Variants in GALNTL6 observed in about 807,000 individuals in gnomAD.
The protein encoded by GALNTL6 is polypeptide N-acetylgalactosaminyltransferase like 6, also known as polypeptide N-acetylgalactosaminyltransferase-like 6.
GALNTL6 carries 46 observed loss-of-function variants against 73.7 expected under a neutral mutation model. The observed-to-expected ratio is 0.62, with a 90% CI of 0.49 to 0.80. The LOEUF (loss-of-function observed/expected upper bound fraction) is 0.80. Among genes scored for constraint, GALNTL6 ranks in the 30% least tolerant of loss-of-function variants. The pLI is 0.00. For synonymous variants in GALNTL6, 259 were observed against 263.7 expected (o/e 0.98, Z 0.17); for missense variants, 604 against 755.0 (o/e 0.80, Z 2.34).
intron 2 of GALNTL6, among the ~76,000 whole-genome samples, chr4:171,953,913 C>A (rs1256697623): frequency 6.6e-6 from 1 of 152,016 alleles, no homozygotes; most frequent in African/African-American, 2.4e-5. Context: ...TTTTAAAAGT[C>A]ATTACAATGG....
chr4:172,613,355 G>A (rs1197409061), intron 5 of GALNTL6, among the ~76,000 whole-genome samples: 2 of 151,992 alleles, frequency 1.3e-5, no homozygotes, highest in East Asian at 3.9e-4. Flanking sequence ...AAGGACCTAG[G>A]CCTGTGAAGA....
At chr4:171,862,537 A>G (rs1336746636) in intron 2 of GALNTL6, among the ~76,000 whole-genome samples, 2 of 152,146 alleles carry the variant, frequency 1.3e-5, no homozygotes, top group Non-Finnish European at 2.9e-5. Context: ...TTAGAAAGTA[A>G]GCAAGCAAAT....
chr4:172,868,296 C>T (rs1397974109), intron 7 of GALNTL6, among the ~76,000 whole-genome samples: 1 of 152,178 alleles, frequency 6.6e-6, no homozygotes, highest in Non-Finnish European at 1.5e-5. Flanking sequence ...GAGACCCTGC[C>T]TCCACATAAA....
intron 5 of GALNTL6, among the ~76,000 whole-genome samples, chr4:172,624,267 T>C (rs1739071226): frequency 6.6e-6 from 1 of 152,036 alleles, no homozygotes; most frequent in South Asian, 2.1e-4. Flanking sequence ...GTTGTTTTTG[T>C]TTTTTGTTTG....
intron 2 of GALNTL6, among the ~76,000 whole-genome samples, chr4:172,131,373 A>G (rs1334940244): frequency 2.7e-5 from 4 of 148,206 alleles, no homozygotes; most frequent in African/African-American, 9.9e-5. Flanking sequence ...TGTTTAAAAC[A>G]CTTTCATCTT....
At chr4:172,595,180 A>G (rs372029703) in intron 5 of GALNTL6, among the ~76,000 whole-genome samples, 24 of 152,318 alleles carry the variant, frequency 1.6e-4, no homozygotes, top group African/African-American at 5.8e-4. Context: ...GGATTTCAAC[A>G]TATGAATTTG....
chr4:172,443,058 A>G (rs1731889201), intron 5 of GALNTL6, among the ~76,000 whole-genome samples: 1 of 146,248 alleles, frequency 6.8e-6, no homozygotes, highest in South Asian at 2.2e-4. Flanking sequence ...ATTATGTTCA[A>G]CATGGAAACT....
intron 10 of GALNTL6, among the ~76,000 whole-genome samples, chr4:172,954,873 G>A (rs1440890074): frequency 3.3e-5 from 5 of 152,138 alleles, no homozygotes; most frequent in African/African-American, 1.2e-4. Context: ...AGAAGAAAAT[G>A]GGGACATAGT....
Position 172,493,301 on chromosome 4 carries a change from G to A in GALNTL6, c.553+144612G>A, listed in dbSNP as rs781517092. Reference sequence around the variant, plus strand: ...AATAATATTTTGAGAGTTTCAATGGGTTGCTACCACTAACAGAAAGAGCAA... The same window carrying A: ...AATAATATTTTGAGAGTTTCAATGGATTGCTACCACTAACAGAAAGAGCAA... On this transcript the variant is annotated intron_variant, in intron 5 of 12. Transcript: ENST00000506823. Among the ~76,000 whole-genome samples, 15 of 152,222 alleles carry A rather than the reference G, an allele frequency of 9.9e-5. No individual in the cohort carries two copies. In the East Asian group the frequency reaches 1.4e-3, roughly 14 times the overall value.
intron 5 of GALNTL6, among the ~76,000 whole-genome samples, chr4:172,691,976 T>A (rs1733330897): frequency 6.6e-6 from 1 of 152,150 alleles, no homozygotes. Context: ...TGAATGTAAA[T>A]CTTTCCTTCA....
intron 2 of GALNTL6, among the ~76,000 whole-genome samples, chr4:172,048,010 A>G (rs1184650344): frequency 6.6e-6 from 1 of 152,156 alleles, no homozygotes; most frequent in East Asian, 1.9e-4. Context: ...AGTGTTACTA[A>G]TAACATCGCA....
chr4:172,964,313 T>G (rs547951195), intron 10 of GALNTL6, among the ~76,000 whole-genome samples: 6 of 152,326 alleles, frequency 3.9e-5, no homozygotes, highest in African/African-American at 1.4e-4. Flanking sequence ...AGAAGAGTTC[T>G]GCAGAATTCT....
At chr4:172,838,703 C>T (rs1214464279) in intron 7 of GALNTL6, among the ~76,000 whole-genome samples, 2 of 152,178 alleles carry the variant, frequency 1.3e-5, no homozygotes, top group African/African-American at 2.4e-5. Flanking sequence ...CCCCATCTTT[C>T]ACCCCTCCCT....
rs942269655 is a variant in GALNTL6 at position 171,837,705 on chromosome 4, T to TTA, written c.138+22996_138+22997dup. ...ATGTATATTTATATGTTATATATATTTATATATATAATATATAAAACCACT... is the reference window on the plus strand; with the variant it reads ...ATGTATATTTATATGTTATATATATTTATATATATATAATATATAAAACCACT... On this transcript the variant is annotated intron_variant, in intron 2 of 12. Coordinates refer to ENST00000506823, the MANE Select transcript of GALNTL6 (RefSeq NM_001034845.3). Among the ~76,000 whole-genome samples, 34 of 147,238 alleles carry TTA rather than the reference T, an allele frequency of 2.3e-4. 1 individual carries two copies. The highest frequency in any genetic ancestry group is 8.4e-4 in the African/African-American group (34 of 40,608).
chr4:172,549,628 T>A (rs1217661475), intron 5 of GALNTL6, among the ~76,000 whole-genome samples: 2 of 152,184 alleles, frequency 1.3e-5, no homozygotes, highest in African/African-American at 4.8e-5. Context: ...AAAATGTTGC[T>A]TATTTTCTTT....
intron 5 of GALNTL6, among the ~76,000 whole-genome samples, chr4:172,512,293 TC>T (rs143159598): frequency 0.17 from 8,980 of 53,868 alleles, 3,846 homozygotes; most frequent in African/African-American, 0.38. Flanking sequence ...GCATGGAATA[TC>T]TTTTTCCACC....
intron 3 of GALNTL6, among the ~76,000 whole-genome samples, chr4:172,274,705 T>C (rs561176134): frequency 6.6e-6 from 1 of 152,326 alleles, no homozygotes; most frequent in African/African-American, 2.4e-5. Flanking sequence ...CATGGACTTT[T>C]GTTTACTGTC....
At chr4:173,015,352 T>G (rs945564169) in intron 11 of GALNTL6, among the ~76,000 whole-genome samples, 1 of 151,944 alleles carries the variant, frequency 6.6e-6, no homozygotes, top group African/African-American at 2.4e-5. Flanking sequence ...TTTGGAGGGC[T>G]CAGAAGAAGA....
At chr4:172,160,434 T>A (rs1734421427) in intron 2 of GALNTL6, among the ~76,000 whole-genome samples, 1 of 152,042 alleles carries the variant, frequency 6.6e-6, no homozygotes, top group Non-Finnish European at 1.5e-5. Flanking sequence ...AATGCAGCTG[T>A]GGAGTCACAT....
Sources: gnomAD v4.1 joint callset for allele counts (sites outside exome capture counted in the v4.1 genomes callset) on GRCh38, gnomAD v4.1.1 for gene constraint, MANE v1.5 for transcripts, NCBI Gene and HGNC (gene_info 2026-07-23, HGNC 2026-07-21) for gene names.